OR6P1: variants seen among roughly 807,000 people sequenced by gnomAD.
OR6P1 encodes olfactory receptor family 6 subfamily P member 1, also known as olfactory receptor 6P1.
Under a neutral mutation model 6.6 loss-of-function variants are expected in OR6P1, and 5 were observed. The ratio of observed to expected loss-of-function variants is 0.76; its 90% CI spans 0.40 to 1.60. The LOEUF is 1.60. Ranked by LOEUF, OR6P1 falls within the 40% of genes most tolerant of loss-of-function variation. The pLI is 0.02. For missense variants in OR6P1, 451 were observed against 383.0 expected (o/e 1.18, Z -1.48); for synonymous variants, 177 against 149.6 (o/e 1.18, Z -1.33).
At chr1:158,569,064 G>A (rs1648176813) in intron 1 of OR6P1, among the ~76,000 whole-genome samples, 1 of 152,120 alleles carries the variant, frequency 6.6e-6, no homozygotes, top group Non-Finnish European at 1.5e-5. Context: ...TGTCGAACCT[G>A]TTTTATTATT....
rs929716138 is a variant in OR6P1, at chr1:158,563,161, A to C, written c.444T>G (p.Ser148=). ...SSLATRLAAA[S]WGSGFFSSMM... is the part of the protein sequence containing the mutation. ...TGGAGCTGAAGAAGCCACTGCCCCA[A>C]GAGGCAGCAGCAAGGCGAGTGGCCA... The change falls in exon 3 of 3, where the codon TCT becomes TCG. Residue 148 remains serine (S), a synonymous_variant. Transcript: ENST00000641540. 1 of 1,551,612 alleles carries C rather than the reference A, an allele frequency of 6.4e-7. No individual in the cohort carries two copies. Among genetic ancestry groups the C allele is most frequent in the African/African-American group, 1.4e-5 (1 of 73,120 alleles).
Position 158,563,585 on chromosome 1 carries a change from C to T in OR6P1, c.20G>A (p.Gly7Asp). The stretch of plus-strand genomic sequence containing the variant: ...CACCAAGACAAACTCCTCGACATGG[C>T]CTCCACTCAAATTTCTCATGGCTCT... MRNLSG[G>D]HVEEFVLVGF... Residue 7 changes from glycine (G) to aspartate (D), a missense_variant, in exon 3 of 3, where the codon GGC becomes GAC. Physicochemically the swap from Gly to Asp is moderately conservative, Grantham distance 94. Coordinates refer to ENST00000641540, the MANE Select transcript of OR6P1 (RefSeq NM_001160325.2). 1 of 1,541,164 alleles carries T rather than the reference C, an allele frequency of 6.5e-7. No individual in the cohort carries two copies. The highest frequency in any genetic ancestry group is 8.7e-7 in the Non-Finnish European group (1 of 1,144,396).
intron 1 of OR6P1, among the ~76,000 whole-genome samples, chr1:158,570,111 G>T (rs114687997): frequency 6.6e-6 from 1 of 152,094 alleles, no homozygotes; most frequent in Non-Finnish European, 1.5e-5. Context: ...TCTTATCATG[G>T]CTTTCTGCTT....
chr1:158,560,925 T>G lies in OR6P1; in HGVS notation c.*1726A>C, dbSNP rs901939373. ...AGGTCATTTGCTGCTCAGAGATAAT[T>G]TGTGCCATAAGTAATTTTGTGTAGT... On this transcript the variant is annotated 3_prime_UTR_variant, in exon 3 of 3. Transcript: ENST00000641540. 2 of 152,160 alleles carry G rather than the reference T, an allele frequency of 1.3e-5. No homozygotes were observed. 9.4% of individuals were successfully genotyped at this position (152,160 alleles called of 1,614,324 possible). A position where few individuals can be genotyped will look rare whatever the true frequency, so the allele number is the denominator to read the frequency against.
At position 158,563,303 on chromosome 1, in the gene OR6P1, A is replaced by T; in HGVS notation, c.302T>A (p.Leu101Gln). Residue 101 changes from leucine to glutamine, a missense_variant, in exon 3 of 3, where the codon CTG (leucine) becomes CAG (glutamine). Coordinates refer to ENST00000641540, the MANE Select transcript of OR6P1 (RefSeq NM_001160325.2). ...ACAGGCTAAGGCAATAAAGAAGTAC[A>T]GTTGGGTCATGCAACCTACGTAGGA... is the stretch of plus-strand genomic sequence containing the variant. ...RVSYVGCMTQ[L>Q]YFFIALACTE... The T allele has an allele frequency of 6.4e-7, 1 of 1,551,596 alleles. No individual in the cohort carries two copies. The highest frequency in any genetic ancestry group is 8.7e-7 in the Non-Finnish European group (1 of 1,146,966).
rs1647966137 is a variant in OR6P1 at position 158,562,075 on chromosome 1, C to T, written c.*576G>A. The T allele has an allele frequency of 1.3e-5, 2 of 152,892 alleles. No homozygotes were observed. The highest frequency in any genetic ancestry group is 4.8e-5 in the African/African-American group (2 of 41,448). The allele number at this position is 152,892 out of a possible 1,614,324, so 9.5% of individuals were successfully genotyped here. ...AGCACTGCATCTCTCTCTGCTTTGA[C>T]TTTCAGTGAATATGAGTTTTGTAGA... On this transcript the variant is annotated 3_prime_UTR_variant, in exon 3 of 3. Coordinates refer to ENST00000641540, the MANE Select transcript of OR6P1 (RefSeq NM_001160325.2).
At chr1:158,567,761 T>G (rs1382899823) in intron 1 of OR6P1, among the ~76,000 whole-genome samples, 2 of 147,506 alleles carry the variant, frequency 1.4e-5, no homozygotes, top group African/African-American at 2.5e-5. Context: ...ACCTGCACAA[T>G]GTGCACATGT....
rs776348739 is a variant in OR6P1 at position 158,562,931 on chromosome 1, A to G, written c.674T>C (p.Ile225Thr). The G allele has an allele frequency of 6.4e-7, 1 of 1,551,818 alleles. No homozygotes were observed. The highest frequency in any genetic ancestry group is 1.2e-5 in the South Asian group (1 of 84,058). Residue 225 changes from isoleucine to threonine, a missense_variant, in exon 3 of 3, where the codon ATC becomes ACC. Transcript: ENST00000641540. ...TCCCCTGGACGTAGGGATCCTCAGG[A>G]TGGCTGCAATGATGGCAGTGTATGA... The part of the protein sequence containing the change: ...VSSYTAIIAA[I>T]LRIPTSRGRH...
chr1:158,568,132 C>G (rs1648143371), intron 1 of OR6P1, among the ~76,000 whole-genome samples: 1 of 152,144 alleles, frequency 6.6e-6, no homozygotes, highest in African/African-American at 2.4e-5. Flanking sequence ...TATTGTCCAC[C>G]AGAAATTGTC....
rs1571337961 is a variant in OR6P1 at position 158,563,588 on chromosome 1, C to T, written c.17G>A (p.Gly6Glu). The change falls in exon 3 of 3, where the codon GGA (glycine) becomes GAA (glutamate). Residue 6 changes from glycine to glutamate, a missense_variant. Gly to Glu is a moderately conservative substitution (Grantham distance 98). Transcript: ENST00000641540. MRNLS[G>E]GHVEEFVLVG... Reference sequence around the variant, plus strand: ...CAAGACAAACTCCTCGACATGGCCTCCACTCAAATTTCTCATGGCTCTCTG... The same window carrying T: ...CAAGACAAACTCCTCGACATGGCCTTCACTCAAATTTCTCATGGCTCTCTG... 6.5e-7 allele frequency: 1 copy of T among 1,540,780 alleles called. No homozygotes were observed. The highest frequency in any genetic ancestry group is 2.4e-5 in the East Asian group (1 of 40,876).
chr1:158,563,071 GA>G lies in OR6P1; in HGVS notation c.533del (p.Phe178SerfsTer20), dbSNP rs1647998437. 2 of 1,551,720 alleles carry G rather than the reference GA, an allele frequency of 1.3e-6. No homozygotes were observed. Among genetic ancestry groups the G allele is most frequent in the Non-Finnish European group, 1.7e-6 (2 of 1,147,034 alleles). On this transcript the variant is annotated frameshift_variant, in exon 3 of 3. Coordinates refer to ENST00000641540, the MANE Select transcript of OR6P1 (RefSeq NM_001160325.2). LOFTEE classifies it high-confidence loss of function. Reference sequence around the variant, plus strand: ...GGTTGAGTAGTGGGGAAATATCACAGAAAAAGTGGTTGATAATGTTGGGTCC... The same window carrying G: ...GGTTGAGTAGTGGGGAAATATCACAGAAAAGTGGTTGATAATGTTGGGTCC... ...YCGPNIINHF[F>X]CDISPLLNLT... is the part of the protein sequence containing the mutation.
At chr1:158,568,209 T>C (rs759328954) in intron 1 of OR6P1, among the ~76,000 whole-genome samples, 5 of 152,200 alleles carry the variant, frequency 3.3e-5, no homozygotes, top group Non-Finnish European at 7.4e-5. Context: ...CTCGATAGAC[T>C]ACTTCTGAAT....
Position 158,563,578 on chromosome 1 carries a change from G to A in OR6P1, c.27C>T (p.Val9=), listed in dbSNP as rs527393568. 13 of 1,545,184 alleles carry A rather than the reference G, an allele frequency of 8.4e-6. No homozygotes were observed. The South Asian group carries it at 9.6e-5, about 11-fold the overall frequency. Residue 9 remains valine, a synonymous_variant, in exon 3 of 3, where the codon GTC becomes GTT. Transcript: ENST00000641540. ...GGAAACCCACCAAGACAAACTCCTC[G>A]ACATGGCCTCCACTCAAATTTCTCA... MRNLSGGH[V]EEFVLVGFPT...
rs572177051 is a variant in OR6P1 at position 158,562,784 on chromosome 1, A to T, written c.821T>A (p.Ile274Asn). The change falls in exon 3 of 3, where the codon ATC (isoleucine) becomes AAC (asparagine). Residue 274 changes from isoleucine to asparagine, a missense_variant. Coordinates refer to ENST00000641540, the MANE Select transcript of OR6P1 (RefSeq NM_001160325.2). Reference protein sequence around the residue: ...AMYTFNHNKIISVLYTIIVPF... With the variant: ...AMYTFNHNKINSVLYTIIVPF... ...TACAATGATAGTGTAGAGCACAGAG[A>T]TAATCTTGTTGTGGTTGAAGGTGTA... The T allele has an allele frequency of 2.6e-6, 4 of 1,552,480 alleles. No individual in the cohort carries two copies. The South Asian group carries it at 3.6e-5, about 14-fold the overall frequency.
Position 158,563,182 on chromosome 1 carries a change from G to A in OR6P1, c.423C>T (p.Ala141=). 6.4e-7 allele frequency: 1 copy of A among 1,551,508 alleles called. No individual in the cohort carries two copies. Among genetic ancestry groups the A allele is most frequent in the East Asian group, 2.4e-5 (1 of 40,910 alleles). The change falls in exon 3 of 3, where the codon GCC becomes GCT. Residue 141 remains alanine (A), a synonymous_variant. Transcript: ENST00000641540. ...CCCAAGAGGCAGCAGCAAGGCGAGT[G>A]GCCAGACTGGAAGGCATGAGACTAG... The part of the protein sequence containing the change: ...LYPSLMPSSL[A]TRLAAASWGS...
rs572307544 is a variant in OR6P1, at chr1:158,563,436, G to A, written c.169C>T (p.Arg57Cys). 142 of 1,551,108 alleles carry A rather than the reference G, an allele frequency of 9.2e-5. No homozygotes were observed. The highest frequency in any genetic ancestry group is 8.3e-4 in the African/African-American group (61 of 73,082). ...TGGCCAAGGAAAAAGTACATGGGAC[G>A]ATGAAGGCTTGGAGCAAGCCATATT... ...FTIWLAPSLH[R>C]PMYFFLGHLS... The change falls in exon 3 of 3, where the codon CGT (arginine) becomes TGT (cysteine). Residue 57 changes from arginine (R) to cysteine (C), a missense_variant. Arg to Cys is a radical substitution (Grantham distance 180). Transcript: ENST00000641540.
chr1:158,563,807 T>A (rs1388120337), intron 2 of OR6P1, among the ~76,000 whole-genome samples, 181 bp from the exon 3 acceptor site: 1 of 152,228 alleles, frequency 6.6e-6, no homozygotes, highest in East Asian at 1.9e-4. Context: ...ACCTGAGTAC[T>A]CAATTACCTA....
Position 158,561,608 on chromosome 1 carries a change from T to G in OR6P1, c.*1043A>C, listed in dbSNP as rs1647954754. 6.6e-6 allele frequency: 1 copy of G among 152,186 alleles called. No homozygotes were observed. The allele number at this position is 152,186 out of a possible 1,614,324, so 9.4% of individuals were successfully genotyped here. On this transcript the variant is annotated 3_prime_UTR_variant, in exon 3 of 3. Transcript: ENST00000641540. ...TGAATTTGGTTCAATATGCAGAAAT[T>G]TGTGTAAATGAGCCTAGATTCAAGA...
chr1:158,569,605 A>T (rs1409293121), intron 1 of OR6P1, among the ~76,000 whole-genome samples: 1 of 152,186 alleles, frequency 6.6e-6, no homozygotes, highest in Non-Finnish European at 1.5e-5. Flanking sequence ...CTCTATCTAT[A>T]AGGCATATGA....
Sources: gnomAD v4.1 joint callset for allele counts (sites outside exome capture counted in the v4.1 genomes callset) on GRCh38, gnomAD v4.1.1 for gene constraint, MANE v1.5 for transcripts, NCBI Gene and HGNC (gene_info 2026-07-23, HGNC 2026-07-21) for gene names.